Variants in CDH18 observed in about 807,000 individuals in gnomAD.
CDH18 encodes cadherin-18.
Under a neutral mutation model 67.9 loss-of-function variants are expected in CDH18, and 31 were observed. That is an observed-to-expected ratio of 0.46 (90% CI 0.34 to 0.62). The LOEUF is 0.62. Ranked by LOEUF, CDH18 falls within the 20% of genes least tolerant of loss-of-function variation. The pLI is 0.01. For synonymous variants in CDH18, 362 were observed against 347.2 expected (o/e 1.04, Z -0.48); for missense variants, 890 against 975.5 (o/e 0.91, Z 1.17).
intron 2 of CDH18, among the ~76,000 whole-genome samples, chr5:19,854,663 A>G (rs1784068566): frequency 6.6e-6 from 1 of 152,142 alleles, no homozygotes; most frequent in Non-Finnish European, 1.5e-5. Flanking sequence ...ATGTAATAGA[A>G]TACTAGGCAG....
intron 1 of CDH18, among the ~76,000 whole-genome samples, chr5:20,282,706 G>T (rs1274148378): frequency 3.3e-5 from 5 of 151,938 alleles, no homozygotes; most frequent in African/African-American, 4.8e-5. Flanking sequence ...GCCAGGCTTT[G>T]GTATCAGGAT....
intron 8 of CDH18, among the ~76,000 whole-genome samples, chr5:19,547,273 A>G (rs1017936429): frequency 1.3e-5 from 2 of 152,182 alleles, no homozygotes; most frequent in African/African-American, 4.8e-5. Flanking sequence ...TTATTATCTA[A>G]TGTTAACCTG....
chr5:20,506,677 G>A (rs566704186), intron 1 of CDH18, among the ~76,000 whole-genome samples: 3 of 152,350 alleles, frequency 2.0e-5, no homozygotes, highest in East Asian at 1.9e-4. Context: ...CACAGGAACT[G>A]TGAGCTACTA....
chr5:20,470,064 T>C (rs1751939957), intron 1 of CDH18, among the ~76,000 whole-genome samples: 1 of 152,160 alleles, frequency 6.6e-6, no homozygotes, highest in African/African-American at 2.4e-5. Flanking sequence ...GCAGCTCAAC[T>C]TCCTGACTTC....
At chr5:19,957,017 A>T (rs1239084264) in intron 2 of CDH18, among the ~76,000 whole-genome samples, 1 of 151,952 alleles carries the variant, frequency 6.6e-6, no homozygotes, top group African/African-American at 2.4e-5. Context: ...TTACATACTA[A>T]CAATTTCTGC....
intron 2 of CDH18, among the ~76,000 whole-genome samples, chr5:19,937,187 G>T (rs13172152): frequency 6.6e-6 from 1 of 150,908 alleles, no homozygotes; most frequent in Non-Finnish European, 1.5e-5. Flanking sequence ...AGGTGGGAAG[G>T]GTCTTTTGTA....
chr5:20,553,710 C>T (rs1381103862), intron 1 of CDH18, among the ~76,000 whole-genome samples: 1 of 152,078 alleles, frequency 6.6e-6, no homozygotes, highest in Non-Finnish European at 1.5e-5. Context: ...TTAATTGTGG[C>T]CTTTAAGTTG....
At chr5:20,074,769 C>T (rs1374392053) in intron 2 of CDH18, among the ~76,000 whole-genome samples, 1 of 151,204 alleles carries the variant, frequency 6.6e-6, no homozygotes, top group Non-Finnish European at 1.5e-5. Context: ...TGTTAATTTC[C>T]TATAGATTTT....
chr5:19,628,481 A>G lies in CDH18; in HGVS notation c.644-15880T>C, dbSNP rs186448033. Among the ~76,000 whole-genome samples, 383 of 152,292 alleles carry G rather than the reference A, an allele frequency of 2.5e-3. 5 individuals are homozygous for G. The highest frequency in any genetic ancestry group is 5.0e-4 in the Non-Finnish European group (34 of 68,026). On this transcript the variant is annotated intron_variant, in intron 5 of 12. Transcript: ENST00000382275. ...AAAGAGAAATGAAATAAAGTTAGTT[A>G]AAATAGAAGTGAGGAGATGTGGTGA...
At chr5:19,634,608 A>G (rs1752856386) in intron 5 of CDH18, among the ~76,000 whole-genome samples, 2 of 152,202 alleles carry the variant, frequency 1.3e-5, no homozygotes, top group Non-Finnish European at 2.9e-5. Flanking sequence ...ACTAAATAAT[A>G]TAATCAGCTT....
At chr5:19,746,527 C>A (rs1770019645) in intron 4 of CDH18, among the ~76,000 whole-genome samples, 1 of 152,116 alleles carries the variant, frequency 6.6e-6, no homozygotes, top group African/African-American at 2.4e-5. Flanking sequence ...ACACTGAAAG[C>A]TTAAAAGACC....
At chr5:19,690,631 A>T (rs957343414) in intron 5 of CDH18, among the ~76,000 whole-genome samples, 1 of 151,752 alleles carries the variant, frequency 6.6e-6, no homozygotes, top group South Asian at 2.1e-4. Context: ...ATACAAAAAA[A>T]ATCAGAGACA....
At chr5:20,046,197 G>C (rs1026999679) in intron 2 of CDH18, among the ~76,000 whole-genome samples, 2 of 151,896 alleles carry the variant, frequency 1.3e-5, no homozygotes, top group East Asian at 3.9e-4. Context: ...TTTGAAGATA[G>C]AGCCCATGGA....
At chr5:19,497,123 C>G (rs2126715349) in intron 11 of CDH18, among the ~76,000 whole-genome samples, 1 of 151,874 alleles carries the variant, frequency 6.6e-6, no homozygotes, top group African/African-American at 2.4e-5. Context: ...TTTCCCCTAC[C>G]CCCACCAGGA....
intron 2 of CDH18, among the ~76,000 whole-genome samples, chr5:20,178,770 A>G (rs1216078734): frequency 1.3e-5 from 2 of 152,122 alleles, no homozygotes; most frequent in Non-Finnish European, 2.9e-5. Context: ...CATACAAAAT[A>G]ACCAGAGGGT....
intron 2 of CDH18, among the ~76,000 whole-genome samples, chr5:19,873,990 C>T (rs1393590064): frequency 2.0e-5 from 3 of 152,142 alleles, no homozygotes; most frequent in Non-Finnish European, 4.4e-5. Flanking sequence ...ATAATTTTCT[C>T]TTCAGTTTCC....
intron 2 of CDH18, among the ~76,000 whole-genome samples, chr5:20,190,033 T>C (rs747001306): frequency 2.0e-5 from 3 of 152,106 alleles, no homozygotes; most frequent in Non-Finnish European, 4.4e-5. Context: ...GAAGAGGGTC[T>C]TCTTTTTGTA....
At chr5:20,353,883 C>G (rs1580816370) in intron 1 of CDH18, among the ~76,000 whole-genome samples, 1 of 152,210 alleles carries the variant, frequency 6.6e-6, no homozygotes, top group East Asian at 1.9e-4. Context: ...TTTCCGTATA[C>G]TGGAAGCTAA....
At chr5:20,364,492 G>A (rs1006610225) in intron 1 of CDH18, among the ~76,000 whole-genome samples, 2 of 152,134 alleles carry the variant, frequency 1.3e-5, no homozygotes, top group African/African-American at 4.8e-5. Context: ...ACAGAGAAGA[G>A]TGTTGTTTTT....
Sources: gnomAD v4.1 joint callset for allele counts (sites outside exome capture counted in the v4.1 genomes callset) on GRCh38, gnomAD v4.1.1 for gene constraint, MANE v1.5 for transcripts, NCBI Gene and HGNC (gene_info 2026-07-23, HGNC 2026-07-21) for gene names.